Variants in SNX13 observed in about 807,000 individuals in gnomAD.
The protein encoded by SNX13 is sorting nexin-13.
SNX13 carries 45 observed loss-of-function variants against 133.6 expected under a neutral mutation model. The observed-to-expected ratio is 0.34, with a 90% CI of 0.27 to 0.43. The LOEUF is 0.43. SNX13 is among the 20% of genes least tolerant of loss of function. The probability of loss-of-function intolerance (pLI) is 1.00; values close to 1 mark genes in which losing one functional copy is unlikely to be tolerated. For missense variants in SNX13, 1,032 were observed against 1,145.1 expected (o/e 0.90, Z 1.43); for synonymous variants, 414 against 373.9 (o/e 1.11, Z -1.24).
At chr7:17,891,730 T>C (rs1796653783) in intron 3 of SNX13, 95 bp from the exon 4 acceptor site, 4 of 738,358 alleles carry the variant, frequency 5.4e-6, no homozygotes, top group African/African-American at 1.8e-5. Flanking sequence ...CATCCCTTCA[T>C]TATCCTCAAG....
intron 1 of SNX13, among the ~76,000 whole-genome samples, chr7:17,922,783 T>C (rs542145603): frequency 6.6e-6 from 1 of 152,224 alleles, no homozygotes; most frequent in East Asian, 1.9e-4. Context: ...GAGAAAATTA[T>C]CAAGGCAGAA....
intron 15 of SNX13, chr7:17,830,783 C>A: frequency 1.0e-6 from 1 of 982,444 alleles, no homozygotes; most frequent in Non-Finnish European, 1.2e-6. Context: ...ACAAACAAAT[C>A]TATGGTAAAG....
At chr7:17,811,648 T>C (rs900398753) in intron 20 of SNX13, among the ~76,000 whole-genome samples, 2 of 152,180 alleles carry the variant, frequency 1.3e-5, no homozygotes, top group African/African-American at 4.8e-5. Context: ...AAAAAACTAC[T>C]TTAAATTTCA....
At chr7:17,844,325 A>G (rs888726503) in intron 12 of SNX13, among the ~76,000 whole-genome samples, 1 of 152,064 alleles carries the variant, frequency 6.6e-6, no homozygotes, top group Admixed American at 6.6e-5. Context: ...AAATTCCTAG[A>G]AACAGAAAAT....
chr7:17,848,607 G>C (rs891808061), intron 11 of SNX13, among the ~76,000 whole-genome samples: 2 of 152,190 alleles, frequency 1.3e-5, no homozygotes, highest in African/African-American at 4.8e-5. Flanking sequence ...GTTTGCTCTT[G>C]CCAGTGCTAA....
intron 1 of SNX13, among the ~76,000 whole-genome samples, chr7:17,906,819 C>A (rs892664680): frequency 6.6e-6 from 1 of 152,100 alleles, no homozygotes; most frequent in Non-Finnish European, 1.5e-5. Flanking sequence ...GTTCCAATTA[C>A]CTCCTTGATT....
intron 1 of SNX13, among the ~76,000 whole-genome samples, chr7:17,910,357 T>G (rs893390440): frequency 6.6e-6 from 1 of 152,190 alleles, no homozygotes; most frequent in Non-Finnish European, 1.5e-5. Flanking sequence ...TTGCAAAAGA[T>G]GTACCGAGAG....
chr7:17,812,957 G>C (rs1786220747), intron 20 of SNX13, among the ~76,000 whole-genome samples: 1 of 151,966 alleles, frequency 6.6e-6, no homozygotes, highest in Admixed American at 6.6e-5. Flanking sequence ...TCATACACCG[G>C]GCCTGTCAGG....
chr7:17,858,705 C>G (rs1009169973), intron 9 of SNX13, among the ~76,000 whole-genome samples: 52 of 152,046 alleles, frequency 3.4e-4, no homozygotes, highest in Admixed American at 3.2e-3. Context: ...CTCATACTGT[C>G]CCATTTCAAT....
intron 5 of SNX13, among the ~76,000 whole-genome samples, chr7:17,878,143 T>A (rs1205995983): frequency 1.3e-5 from 2 of 152,178 alleles, no homozygotes; most frequent in African/African-American, 4.8e-5. Context: ...CATAGCTTTC[T>A]ATTAGAGCTC....
intron 1 of SNX13, among the ~76,000 whole-genome samples, chr7:17,902,242 G>T (rs1319966956): frequency 1.7e-5 from 2 of 120,356 alleles, no homozygotes; most frequent in African/African-American, 3.3e-5. Context: ...TACTGTCATG[G>T]TTTTTTTTTT....
chr7:17,854,794 A>T (rs1307675543), intron 9 of SNX13, among the ~76,000 whole-genome samples: 1 of 152,154 alleles, frequency 6.6e-6, no homozygotes, highest in Admixed American at 6.5e-5. Context: ...ACATAACAAC[A>T]TTGAAGTTAG....
intron 20 of SNX13, among the ~76,000 whole-genome samples, chr7:17,805,889 G>A (rs1294452109): frequency 6.6e-6 from 1 of 152,078 alleles, no homozygotes; most frequent in African/African-American, 2.4e-5. Flanking sequence ...TAAGAAGAAT[G>A]AAAAACCTCT....
At chr7:17,811,405 A>T (rs1368399855) in intron 20 of SNX13, among the ~76,000 whole-genome samples, 10 of 152,328 alleles carry the variant, frequency 6.6e-5, no homozygotes, top group East Asian at 1.9e-4. Context: ...CAATTGCTAC[A>T]AAGAGAATAA....
intron 21 of SNX13, among the ~76,000 whole-genome samples, chr7:17,801,996 A>G (rs1217779688): frequency 2.6e-5 from 4 of 152,032 alleles, no homozygotes; most frequent in Non-Finnish European, 5.9e-5. Context: ...TTGTTCAACA[A>G]TACCACAGTG....
intron 1 of SNX13, among the ~76,000 whole-genome samples, chr7:17,919,062 G>A (rs1297140730): frequency 2.0e-5 from 3 of 152,114 alleles, no homozygotes; most frequent in African/African-American, 4.8e-5. Flanking sequence ...ACACAAAGAC[G>A]GGACCAAAAG....
chr7:17,894,137 T>C (rs1019989141), intron 2 of SNX13, among the ~76,000 whole-genome samples: 6 of 151,538 alleles, frequency 4.0e-5, no homozygotes, highest in Non-Finnish European at 7.4e-5. Flanking sequence ...ACCCCGTCTC[T>C]ACTAAAAACA....
chr7:17,938,064 CT>C (rs1802313729), intron 1 of SNX13, among the ~76,000 whole-genome samples: 1 of 152,138 alleles, frequency 6.6e-6, no homozygotes, highest in South Asian at 2.1e-4. Flanking sequence ...AAGTCTCACA[CT>C]AATTTTGTAG....
intron 9 of SNX13, among the ~76,000 whole-genome samples, chr7:17,857,113 T>C (rs541657593): frequency 3.8e-4 from 58 of 152,218 alleles, no homozygotes; most frequent in Admixed American, 1.6e-3. Flanking sequence ...TAAATAATTA[T>C]GCTCCAACAA....
Sources: allele counts gnomAD v4.1 joint callset (sites outside exome capture counted in the v4.1 genomes callset), GRCh38; gene constraint gnomAD v4.1.1; transcripts MANE v1.5; gene names NCBI Gene and HGNC (gene_info 2026-07-23, HGNC 2026-07-21).